The following PTCRA variants were observed in gnomAD, a reference collection of about 807,000 sequenced individuals.
PTCRA encodes the protein pre T cell antigen receptor alpha.
Under a neutral mutation model 13.4 loss-of-function variants are expected in PTCRA, and 9 were observed. The ratio of observed to expected loss-of-function variants is 0.67; its 90% CI spans 0.41 to 1.18. PTCRA has a LOEUF of 1.18. Ranked by LOEUF, PTCRA falls within the 50% of genes most tolerant of loss-of-function variation. PTCRA has a pLI of 0.01. For synonymous variants in PTCRA, 153 were observed against 161.9 expected (o/e 0.94, Z 0.42); for missense variants, 353 against 359.8 (o/e 0.98, Z 0.15).
In PTCRA at chr6:42,925,636, T is replaced by C; in HGVS notation, c.800T>C (p.Phe267Ser). 1.9e-6 allele frequency: 3 copies of C among 1,556,746 alleles called. No individual in the cohort carries two copies. Residue 267 changes from phenylalanine (F) to serine (S), a missense_variant, in exon 4 of 4, where the codon TTT becomes TCT. Coordinates refer to ENST00000304672, the MANE Select transcript of PTCRA (RefSeq NM_138296.3). The surrounding 1 kb of genome is among the most constrained non-coding windows in gnomAD (Gnocchi z 4.4). ...LRAPSSSLGA[F>S]FAGDLPPPLQ... ...GCTCCTTCCTCCAGTCTTGGAGCATTTTTTGCAGGTGACCTGCCTCCTCCT... is the reference window on the plus strand; with the variant it reads ...GCTCCTTCCTCCAGTCTTGGAGCATCTTTTGCAGGTGACCTGCCTCCTCCT...
intron 1 of PTCRA, among the ~76,000 whole-genome samples, chr6:42,920,942 G>C (rs558526231): frequency 6.6e-6 from 1 of 151,254 alleles, no homozygotes; most frequent in Non-Finnish European, 1.5e-5. Flanking sequence ...CTACAGGCAC[G>C]TGCCACCACA....
intron 1 of PTCRA, among the ~76,000 whole-genome samples, chr6:42,916,868 T>C (rs1431752563): frequency 6.6e-6 from 1 of 152,064 alleles, no homozygotes. Context: ...AAACCACACC[T>C]ATGTGGAACA....
chr6:42,919,103 C>T (rs1767021482), intron 1 of PTCRA, among the ~76,000 whole-genome samples: 1 of 149,742 alleles, frequency 6.7e-6, no homozygotes, highest in African/African-American at 2.5e-5. Context: ...GAGTGCAATT[C>T]TCCTGCCTCA....
intron 3 of PTCRA, among the ~76,000 whole-genome samples, chr6:42,924,596 G>A (rs1767335112): frequency 6.6e-6 from 1 of 152,132 alleles, no homozygotes; most frequent in African/African-American, 2.4e-5. Context: ...CGTGTAAATG[G>A]GAGGCTGTCT....
intron 2 of PTCRA, 118 bp downstream of exon 2, chr6:42,923,465 G>C (rs898957651): frequency 1.9e-5 from 19 of 990,312 alleles, no homozygotes; most frequent in Non-Finnish European, 2.7e-5. Flanking sequence ...CAAGCGCAGA[G>C]CCTCTGGGTG....
chr6:42,925,219 G>T lies in PTCRA; in HGVS notation c.425-42G>T. On this transcript the variant is annotated intron_variant, in intron 3 of 3. Transcript: ENST00000304672. This position sits in a 1 kb window ranked among gnomAD's most constrained non-coding sequence, Gnocchi z 4.4. ...CCGCCGTTCTCTCCTGGGGTAGGGG[G>T]CTGCGGGCTCCTGCGGGCTCCTGAG... 2 of 1,549,564 alleles carry T rather than the reference G, an allele frequency of 1.3e-6. No homozygotes were observed. Among genetic ancestry groups the T allele is most frequent in the African/African-American group, 1.4e-5 (1 of 74,016 alleles).
intron 1 of PTCRA, among the ~76,000 whole-genome samples, chr6:42,922,585 T>C (rs1264200520): frequency 6.6e-6 from 1 of 151,240 alleles, no homozygotes; most frequent in Non-Finnish European, 1.5e-5. Context: ...AAAATAAAAA[T>C]AAAAATTAGC....
chr6:42,923,422 C>T (rs974228876), intron 2 of PTCRA, 75 bp downstream of exon 2: 18 of 1,411,798 alleles, frequency 1.3e-5, no homozygotes, highest in African/African-American at 2.8e-5. Context: ...GGAGGGAGGG[C>T]AGGCTCCAGG....
Position 42,925,147 on chromosome 6 carries a change from G to C in PTCRA, c.425-114G>C. On this transcript the variant is annotated intron_variant, in intron 3 of 3. Transcript: ENST00000304672. The surrounding 1 kb of genome is among the most constrained non-coding windows in gnomAD (Gnocchi z 4.4). ...TAGACACCGGGAAGGACTTTCCCTGGAGGAGGGGGTGAAGGGGACGGGCAA... is the reference window on the plus strand; with the variant it reads ...TAGACACCGGGAAGGACTTTCCCTGCAGGAGGGGGTGAAGGGGACGGGCAA... 7.2e-7 allele frequency: 1 copy of C among 1,380,182 alleles called. No individual in the cohort carries two copies. Among genetic ancestry groups the C allele is most frequent in the Non-Finnish European group, 9.6e-7 (1 of 1,037,926 alleles). The allele number at this position is 1,380,182 out of a possible 1,614,324, so 85.5% of individuals were successfully genotyped here.
intron 1 of PTCRA, 85 bp downstream of exon 1, chr6:42,916,212 T>A: frequency 7.5e-7 from 1 of 1,325,276 alleles, no homozygotes. Flanking sequence ...TGGGTACTGA[T>A]GGGCTGCAGG....
chr6:42,916,415 C>T (rs1273576055), intron 1 of PTCRA, among the ~76,000 whole-genome samples: 4 of 152,158 alleles, frequency 2.6e-5, no homozygotes, highest in Non-Finnish European at 5.9e-5. Context: ...GGCTGCCCCT[C>T]TTAGAGGTAT....
intron 1 of PTCRA, among the ~76,000 whole-genome samples, chr6:42,921,771 C>T (rs1451417429): frequency 2.0e-5 from 3 of 148,274 alleles, no homozygotes; most frequent in South Asian, 2.1e-4. Flanking sequence ...TGGTGCCTCA[C>T]GCCTGTAATC....
In PTCRA at chr6:42,925,226, G is replaced by T; in HGVS notation, c.425-35G>T. 1 of 1,559,010 alleles carries T rather than the reference G, an allele frequency of 6.4e-7. No individual in the cohort carries two copies. Among genetic ancestry groups the T allele is most frequent in the Non-Finnish European group, 8.6e-7 (1 of 1,159,212 alleles). On this transcript the variant is annotated intron_variant, in intron 3 of 3. Coordinates refer to ENST00000304672, the MANE Select transcript of PTCRA (RefSeq NM_138296.3). The surrounding 1 kb of genome is among the most constrained non-coding windows in gnomAD (Gnocchi z 4.4). ...TCTCTCCTGGGGTAGGGGGCTGCGGGCTCCTGCGGGCTCCTGAGCGGTTCC... is the reference window on the plus strand; with the variant it reads ...TCTCTCCTGGGGTAGGGGGCTGCGGTCTCCTGCGGGCTCCTGAGCGGTTCC...
At chr6:42,917,227 T>C (rs1458690838) in intron 1 of PTCRA, among the ~76,000 whole-genome samples, 1 of 137,556 alleles carries the variant, frequency 7.3e-6, no homozygotes, top group Non-Finnish European at 1.5e-5. Flanking sequence ...TTATTATTAT[T>C]ATTATTTATT....
At chr6:42,921,652 G>A (rs1245749055) in intron 1 of PTCRA, among the ~76,000 whole-genome samples, 11 of 146,714 alleles carry the variant, frequency 7.5e-5, no homozygotes, top group Admixed American at 3.4e-4. Context: ...TCCTGACCTC[G>A]TGATCTGCCC....
In PTCRA at chr6:42,924,226, C is replaced by A; in HGVS notation, c.380-3C>A. ...GACTCATTCGCTTCTCCCTGGACAA[C>A]AGGAGAGGCTTCTACAGCCAGGACC... On this transcript the variant is annotated splice_region_variant and splice_polypyrimidine_tract_variant and intron_variant, in intron 2 of 3. Transcript: ENST00000304672. 6.2e-7 allele frequency: 1 copy of A among 1,608,416 alleles called. No individual in the cohort carries two copies. Among genetic ancestry groups the A allele is most frequent in the East Asian group, 2.2e-5 (1 of 44,554 alleles).
chr6:42,921,151 G>C (rs1767137767), intron 1 of PTCRA, among the ~76,000 whole-genome samples: 1 of 151,778 alleles, frequency 6.6e-6, no homozygotes. Flanking sequence ...GCCCAGGCTG[G>C]AGTGTAGTGG....
Position 42,923,014 on chromosome 6 carries a change from T to A in PTCRA, c.59-13T>A, listed in dbSNP as rs1302114479. ...AGCTGGTCTAGCACCCACAGGTACA[T>A]GCTCTCTTGCAGGTGTGGGCGGCAC... On this transcript the variant is annotated splice_polypyrimidine_tract_variant and intron_variant, in intron 1 of 3. Coordinates refer to ENST00000304672, the MANE Select transcript of PTCRA (RefSeq NM_138296.3). 1 of 1,613,504 alleles carries A rather than the reference T, an allele frequency of 6.2e-7. No individual in the cohort carries two copies. The highest frequency in any genetic ancestry group is 8.5e-7 in the Non-Finnish European group (1 of 1,179,588).
At chr6:42,922,643 G>A (rs1767237482) in intron 1 of PTCRA, among the ~76,000 whole-genome samples, 2 of 152,024 alleles carry the variant, frequency 1.3e-5, no homozygotes, top group South Asian at 4.1e-4. Flanking sequence ...AGGAGGCTGA[G>A]GCAGGAGAAT....
Sources: allele counts gnomAD v4.1 joint callset (sites outside exome capture counted in the v4.1 genomes callset), GRCh38; gene constraint gnomAD v4.1.1; non-coding constraint Gnocchi (gnomAD v3.1); transcripts MANE v1.5; gene names NCBI Gene and HGNC (gene_info 2026-07-23, HGNC 2026-07-21).